Variants in OXNAD1 observed in about 807,000 individuals in gnomAD.
OXNAD1 encodes oxidoreductase NAD binding domain containing 1.
OXNAD1 carries 34 observed loss-of-function variants against 32.9 expected under a neutral mutation model. The observed-to-expected ratio is 1.03, with a 90% CI of 0.79 to 1.38. OXNAD1 has a LOEUF of 1.38. Among genes scored for constraint, OXNAD1 ranks in the 40% most tolerant of loss-of-function variants. OXNAD1 has a pLI of 0.00. For missense variants in OXNAD1, 407 were observed against 379.4 expected, an observed-to-expected ratio of 1.07 and a Z score of -0.60; for synonymous variants, 134 against 135.2, an observed-to-expected ratio of 0.99 and a Z score of 0.06.
chr3:16,296,197 A>T (rs771337019), intron 6 of OXNAD1, among the ~76,000 whole-genome samples: 1 of 152,220 alleles, frequency 6.6e-6, no homozygotes, highest in African/African-American at 2.4e-5. Flanking sequence ...GTAGCTGAAG[A>T]GAGCTTTTAT....
chr3:16,272,181 C>G (rs2064989597), intron 4 of OXNAD1: 1 of 452,306 alleles, frequency 2.2e-6, no homozygotes, highest in Middle Eastern at 3.3e-4. Flanking sequence ...GCACTAACAT[C>G]TGAGAAAGGA....
intron 1 of OXNAD1, among the ~76,000 whole-genome samples, chr3:16,268,349 G>A (rs956722103): frequency 8.4e-5 from 5 of 59,464 alleles, no homozygotes; most frequent in African/African-American, 1.6e-4. Context: ...TTTTTTTTGA[G>A]ACTGAGTTTC....
chr3:16,296,197 A>G (rs771337019), intron 6 of OXNAD1, among the ~76,000 whole-genome samples: 3 of 152,220 alleles, frequency 2.0e-5, no homozygotes, highest in Non-Finnish European at 4.4e-5. Flanking sequence ...GTAGCTGAAG[A>G]GAGCTTTTAT....
chr3:16,329,518 C>T lies in OXNAD1; in HGVS notation c.*31-7594C>T, dbSNP rs550711564. Among the ~76,000 whole-genome samples the T allele has an allele frequency of 2.6e-5, 4 of 152,230 alleles. No individual in the cohort carries two copies. In the East Asian group the frequency reaches 7.7e-4, roughly 29 times the overall value. On this transcript the variant is annotated intron_variant, in intron 9 of 9. Coordinates refer to the OXNAD1 transcript ENST00000435829. This position sits in a 1 kb window ranked among gnomAD's most constrained non-coding sequence, Gnocchi z 4.5. Reference sequence around the variant, plus strand: ...CCAGAGATGGCCCAGCAGTTGTGACCATCCTTTCTGCCTGGCCTCTGGGCA... The same window carrying T: ...CCAGAGATGGCCCAGCAGTTGTGACTATCCTTTCTGCCTGGCCTCTGGGCA...
chr3:16,278,259 G>C (rs1470217643), intron 4 of OXNAD1, among the ~76,000 whole-genome samples: 1 of 152,080 alleles, frequency 6.6e-6, no homozygotes, highest in Non-Finnish European at 1.5e-5. Context: ...AATTGATTTT[G>C]GAAATCTTTC....
rs776470489 is a variant in OXNAD1, at chr3:16,336,923, C to T, written c.*31-189C>T. Among the ~76,000 whole-genome samples, 27 of 152,138 alleles carry T rather than the reference C, an allele frequency of 1.8e-4. No individual in the cohort carries two copies. Among genetic ancestry groups the T allele is most frequent in the Non-Finnish European group, 3.8e-4 (26 of 68,022 alleles). On this transcript the variant is annotated intron_variant, in intron 9 of 9. Coordinates refer to the OXNAD1 transcript ENST00000435829. The surrounding 1 kb of genome is among the most constrained non-coding windows in gnomAD (Gnocchi z 6.0). Reference sequence around the variant, plus strand: ...GAAGAATGGTGTCTATTATGACTTCCCTGTGTCCAGGCCACTTTCCAACAC... The same window carrying T: ...GAAGAATGGTGTCTATTATGACTTCTCTGTGTCCAGGCCACTTTCCAACAC...
In OXNAD1 at chr3:16,317,020, G is replaced by C. The variant is rs372593662; in HGVS notation, c.*30+13428G>C. 3.5e-5 allele frequency: 56 copies of C among 1,613,572 alleles called. No homozygotes were observed. Among genetic ancestry groups the C allele is most frequent in the Non-Finnish European group, 4.7e-5 (55 of 1,179,888 alleles). ...CACCAGGGGACAGCTGTTCTCCCTT[G>C]TCCTCTTGGACAGGGCCCTTCATCT... On this transcript the variant is annotated intron_variant, in intron 9 of 9. Coordinates refer to the OXNAD1 transcript ENST00000435829. This position sits in a 1 kb window ranked among gnomAD's most constrained non-coding sequence, Gnocchi z 4.3.
rs572141031 is a variant in OXNAD1 at position 16,278,972 on chromosome 3, A to G, written c.183+7250A>G. Among the ~76,000 whole-genome samples, 5 of 152,372 alleles carry G rather than the reference A, an allele frequency of 3.3e-5. No individual in the cohort carries two copies. In the South Asian group the frequency reaches 1.0e-3, roughly 32 times the overall value. On this transcript the variant is annotated intron_variant, in intron 4 of 8. Coordinates refer to ENST00000285083, the MANE Select transcript of OXNAD1 (RefSeq NM_138381.5). ...TACAATTCTCTACTGGTCATCACCT[A>G]TGCATGTCAAGGAGATTGTGGTAGA...
rs2071663143 is a variant in OXNAD1 at position 16,345,830 on chromosome 3, G to GCA, written c.*31-3345_*31-3344insAC. Among the ~76,000 whole-genome samples the GCA allele has an allele frequency of 1.2e-5, 1 of 81,828 alleles. No homozygotes were observed. Among genetic ancestry groups the GCA allele is most frequent in the South Asian group, 6.3e-4 (1 of 1,590 alleles). 53.7% of individuals were successfully genotyped at this position (81,828 alleles called of 152,430 possible). A position where few individuals can be genotyped will look rare whatever the true frequency, so the allele number is the denominator to read the frequency against. Reference sequence around the variant, plus strand: ...TGTGTGTGTGTGTGCGCGCGCGCGTGCGCGCACGCGCACATGTGCATGTGT... The same window carrying GCA: ...TGTGTGTGTGTGTGCGCGCGCGCGTGCACGCGCACGCGCACATGTGCATGTGT... On this transcript the variant is annotated intron_variant, in intron 9 of 9. Coordinates refer to the OXNAD1 transcript ENST00000606098. This position sits in a 1 kb window ranked among gnomAD's most constrained non-coding sequence, Gnocchi z 5.2.
rs1377230286 is a variant in OXNAD1 at position 16,333,809 on chromosome 3, C to T, written c.*31-3303C>T. ...GGGCCAAAGATATGAAGAGAGATCACAGAAGATTCAAACACCCACTAAGTG... is the reference window on the plus strand; with the variant it reads ...GGGCCAAAGATATGAAGAGAGATCATAGAAGATTCAAACACCCACTAAGTG... On this transcript the variant is annotated intron_variant, in intron 9 of 9. Transcript: ENST00000435829. Among the ~76,000 whole-genome samples the T allele has an allele frequency of 2.6e-5, 4 of 152,224 alleles. No homozygotes were observed. In the East Asian group the frequency reaches 7.7e-4, roughly 29 times the overall value.
chr3:16,286,062 C>T lies in OXNAD1; in HGVS notation c.184-280C>T, dbSNP rs77553674. On this transcript the variant is annotated intron_variant, in intron 4 of 8. Transcript: ENST00000285083. The stretch of plus-strand genomic sequence containing the variant: ...CAGTGCACAGCACATTGTGGATACT[C>T]ATCAGATAAATGCCGGTTAAAAGAT... 3.6e-3 allele frequency among the ~76,000 whole-genome samples: 549 copies of T among 152,238 alleles called. 1 individual carries two copies. The highest frequency in any genetic ancestry group is 0.013 in the African/African-American group (536 of 41,520).
rs1161932921 is a variant in OXNAD1, at chr3:16,287,581, GT to G, written c.290+1137del. ...GTGGAAACTTTAATTGTAATGATCT[GT>G]TTTCCATATTTCCTTTCTGTGGAAA... On this transcript the variant is annotated intron_variant, in intron 5 of 8. Transcript: ENST00000285083. This position sits in a 1 kb window ranked among gnomAD's most constrained non-coding sequence, Gnocchi z 4.8. Among the ~76,000 whole-genome samples the G allele has an allele frequency of 6.6e-6, 1 of 152,192 alleles. No homozygotes were observed. The highest frequency in any genetic ancestry group is 1.5e-5 in the Non-Finnish European group (1 of 68,032).
Position 16,313,048 on chromosome 3 carries a change from C to T in OXNAD1, c.*30+9456C>T, listed in dbSNP as rs114110523. Among the ~76,000 whole-genome samples, 1,376 of 141,900 alleles carry T rather than the reference C, an allele frequency of 9.7e-3. 20 individuals carry two copies. The highest frequency in any genetic ancestry group is 0.039 in the African/African-American group (1,319 of 33,708). 93.1% of individuals were successfully genotyped at this position (141,900 alleles called of 152,430 possible). On this transcript the variant is annotated intron_variant, in intron 9 of 9. Transcript: ENST00000435829. ...TTTATTTAACGCCCATGTCAAGATC[C>T]ATCTTTTTTTTTTTTTTGACAGGGT... is the stretch of plus-strand genomic sequence containing the variant.
intron 9 of OXNAD1, among the ~76,000 whole-genome samples, chr3:16,324,607 T>C (rs1444866576): frequency 3.5e-5 from 4 of 114,480 alleles, no homozygotes; most frequent in Admixed American, 9.1e-5. Flanking sequence ...TAACAGAATG[T>C]CCCTGACCCC....
chr3:16,312,032 T>C lies in OXNAD1; in HGVS notation c.*30+8440T>C, dbSNP rs2068015042. 6.6e-6 allele frequency among the ~76,000 whole-genome samples: 1 copy of C among 152,202 alleles called. No homozygotes were observed. Among genetic ancestry groups the C allele is most frequent in the East Asian group, 1.9e-4 (1 of 5,192 alleles). ...CTCTGCTGGAGGGACATGCCGCTGTTGTGCAAGGGCTGGGGAAGCAAGCAC... is the reference window on the plus strand; with the variant it reads ...CTCTGCTGGAGGGACATGCCGCTGTCGTGCAAGGGCTGGGGAAGCAAGCAC... On this transcript the variant is annotated intron_variant, in intron 9 of 9. Transcript: ENST00000435829. This position sits in a 1 kb window ranked among gnomAD's most constrained non-coding sequence, Gnocchi z 4.7.
At position 16,321,975 on chromosome 3, in the gene OXNAD1, A is replaced by G. The variant is rs2069111611; in HGVS notation, c.*31-15137A>G. Reference sequence around the variant, plus strand: ...GGAATCTGTGTGCCCCACCACCAGGAACCTGTTAGGCAAAGGTGGCACCAT... The same window carrying G: ...GGAATCTGTGTGCCCCACCACCAGGGACCTGTTAGGCAAAGGTGGCACCAT... On this transcript the variant is annotated intron_variant, in intron 9 of 9. Coordinates refer to the OXNAD1 transcript ENST00000435829. This position sits in a 1 kb window ranked among gnomAD's most constrained non-coding sequence, Gnocchi z 4.8. Among the ~76,000 whole-genome samples the G allele has an allele frequency of 6.6e-6, 1 of 152,184 alleles. No homozygotes were observed. The highest frequency in any genetic ancestry group is 2.1e-4 in the South Asian group (1 of 4,834).
intron 4 of OXNAD1, among the ~76,000 whole-genome samples, chr3:16,272,647 C>CT (rs35628992): frequency 0.016 from 1,858 of 112,724 alleles, 31 homozygotes; most frequent in Middle Eastern, 0.029. Context: ...GCTTAAAGTT[C>CT]TTTTTTTTTT....
downstream of OXNAD1, among the ~76,000 whole-genome samples, chr3:16,342,029 C>G: frequency 6.6e-6 from 1 of 152,056 alleles, no homozygotes; most frequent in East Asian, 1.9e-4. This position sits in a 1 kb window ranked among gnomAD's most constrained non-coding sequence, Gnocchi z 4.0. Context: ...TCACTTTTTT[C>G]AACATCTTTA....
intron 6 of OXNAD1, among the ~76,000 whole-genome samples, chr3:16,300,375 C>T (rs1249990932): frequency 6.6e-6 from 1 of 152,198 alleles, no homozygotes; most frequent in African/African-American, 2.4e-5. Flanking sequence ...CGTGAATACA[C>T]TGTCTACAAA....
Sources: gnomAD v4.1 joint callset for allele counts (sites outside exome capture counted in the v4.1 genomes callset) on GRCh38, gnomAD v4.1.1 for gene constraint, Gnocchi (gnomAD v3.1) non-coding constraint, MANE v1.5 for transcripts, NCBI Gene and HGNC (gene_info 2026-07-23, HGNC 2026-07-21) for gene names.